The following ITPKB variants were observed in gnomAD, a reference collection of about 807,000 sequenced individuals.
ITPKB encodes the protein IP3 3-kinase B.
A neutral mutation model predicts 69.4 loss-of-function variants in ITPKB; 13 were observed. The observed-to-expected ratio is 0.19, with a 90% CI of 0.12 to 0.30. The LOEUF is 0.30. ITPKB is among the 10% of genes least tolerant of loss of function. The probability of loss-of-function intolerance (pLI) is 1.00; values close to 1 mark genes in which losing one functional copy is unlikely to be tolerated. For missense variants in ITPKB, 1,240 were observed against 1,250.5 expected (o/e 0.99, Z 0.13); for synonymous variants, 584 against 513.7 (o/e 1.14, Z -1.85).
chr1:226,668,191 T>A (rs1232659613), intron 2 of ITPKB, among the ~76,000 whole-genome samples: 1 of 152,224 alleles, frequency 6.6e-6, no homozygotes, highest in Non-Finnish European at 1.5e-5. Context: ...TATTCTTGAC[T>A]TTTAATAATA....
intron 2 of ITPKB, chr1:226,657,250 C>T (rs532262108): frequency 4.6e-5 from 7 of 152,338 alleles, no homozygotes; most frequent in Admixed American, 2.0e-4. Flanking sequence ...CATCTTATTT[C>T]ATGTATGTGG....
intron 2 of ITPKB, among the ~76,000 whole-genome samples, chr1:226,727,333 C>T (rs757011936): frequency 6.6e-5 from 10 of 152,118 alleles, no homozygotes; most frequent in African/African-American, 1.2e-4. Context: ...GAGTTGAGCC[C>T]GGAAAGAATG....
intron 2 of ITPKB, among the ~76,000 whole-genome samples, chr1:226,731,552 TCA>T (rs1657589681): frequency 6.6e-6 from 1 of 152,172 alleles, no homozygotes; most frequent in South Asian, 2.1e-4. Flanking sequence ...AATTACATAG[TCA>T]CAGACAGAAC....
intron 6 of ITPKB, 51 bp downstream of exon 6, chr1:226,639,506 T>C (rs768738039): frequency 8.2e-7 from 1 of 1,215,408 alleles, no homozygotes; most frequent in South Asian, 1.2e-5. Context: ...TAGACACAGT[T>C]GTCCCTCCCT....
chr1:226,672,503 C>T (rs528361495), intron 2 of ITPKB, among the ~76,000 whole-genome samples: 1 of 152,344 alleles, frequency 6.6e-6, no homozygotes, highest in South Asian at 2.1e-4. Flanking sequence ...AAACAGAGCA[C>T]TCCCCAAGGC....
At position 226,738,901 on chromosome 1, in the gene ITPKB, C is replaced by G. The variant is rs931193275; in HGVS notation, c.-206+140G>C. The G allele has an allele frequency of 1.3e-5, 2 of 152,298 alleles. No individual in the cohort carries two copies. The highest frequency in any genetic ancestry group is 4.8e-5 in the African/African-American group (2 of 41,450). The allele number at this position is 152,298 out of a possible 1,614,324, so 9.4% of individuals were successfully genotyped here. On this transcript the variant is annotated intron_variant, in intron 1 of 7. Transcript: ENST00000429204. The surrounding 1 kb of genome is among the most constrained non-coding windows in gnomAD (Gnocchi z 4.2). Reference sequence around the variant, plus strand: ...GCCACTCCATGTCACCCTCCAAAATCAAACCCCCTTCCCTGCCTCCCCAGC... The same window carrying G: ...GCCACTCCATGTCACCCTCCAAAATGAAACCCCCTTCCCTGCCTCCCCAGC...
chr1:226,651,259 G>C (rs560775082), intron 2 of ITPKB, among the ~76,000 whole-genome samples: 3 of 152,368 alleles, frequency 2.0e-5, no homozygotes, highest in African/African-American at 7.2e-5. Context: ...GGAGATAGGT[G>C]AGCAGGCGAG....
At chr1:226,707,981 A>T in intron 2 of ITPKB, 1 of 1,042,564 alleles carries the variant, frequency 9.6e-7, no homozygotes, top group Non-Finnish European at 1.3e-6. Context: ...CAATAACTGC[A>T]ACAAAATATG....
intron 2 of ITPKB, among the ~76,000 whole-genome samples, chr1:226,728,974 G>A (rs1657503945): frequency 6.6e-6 from 1 of 152,172 alleles, no homozygotes; most frequent in South Asian, 2.1e-4. Flanking sequence ...GGTAGATAAT[G>A]CAGCAGGGAT....
chr1:226,728,186 T>C (rs1354736338), intron 2 of ITPKB, among the ~76,000 whole-genome samples: 3 of 152,208 alleles, frequency 2.0e-5, no homozygotes, highest in Admixed American at 1.3e-4. Context: ...TTTTGCTTAC[T>C]TATAAAACTT....
At position 226,739,207 on chromosome 1, in the gene ITPKB, C is replaced by CAG. The variant is rs1657916765; in HGVS notation, c.-374_-373dup. The CAG allele has an allele frequency of 6.6e-6, 1 of 152,102 alleles. No individual in the cohort carries two copies. The highest frequency in any genetic ancestry group is 2.1e-4 in the South Asian group (1 of 4,830). 9.4% of individuals were successfully genotyped at this position (152,102 alleles called of 1,614,324 possible). A position where few individuals can be genotyped will look rare whatever the true frequency, so the allele number is the denominator to read the frequency against. ...AAAGAGGGGGGAAAGCTCTTCGGTT[C>CAG]AGGGGCCCGGCGATCCCGGCAGTGG... On this transcript the variant is annotated 5_prime_UTR_variant, in exon 1 of 8. Transcript: ENST00000429204.
At position 226,642,338 on chromosome 1, in the gene ITPKB, A is replaced by G. The variant is rs1368425846; in HGVS notation, c.2247-213T>C. The stretch of plus-strand genomic sequence containing the variant: ...AATTTTTCTTTTCTTTTTTTTTTAG[A>G]CAATTTTTTTAGTAGATAAGGGAGT... On this transcript the variant is annotated intron_variant, in intron 4 of 7. Transcript: ENST00000429204. The surrounding 1 kb of genome is among the most constrained non-coding windows in gnomAD (Gnocchi z 6.4). 3.3e-5 allele frequency among the ~76,000 whole-genome samples: 5 copies of G among 151,090 alleles called. No homozygotes were observed. The highest frequency in any genetic ancestry group is 3.3e-4 in the Admixed American group (5 of 15,178).
intron 2 of ITPKB, among the ~76,000 whole-genome samples, chr1:226,726,146 T>G (rs1160894425): frequency 6.6e-6 from 1 of 152,182 alleles, no homozygotes; most frequent in Non-Finnish European, 1.5e-5. Context: ...AATATACCCA[T>G]TTTACAGATT....
At position 226,634,588 on chromosome 1, in the gene ITPKB, G is replaced by T; in HGVS notation, c.*83C>A. ...GTTCAGGAGGGTCAGTCAGGTGTAAGTGAAGGAAAAGTTAGGAACGAGAAA... is the reference window on the plus strand; with the variant it reads ...GTTCAGGAGGGTCAGTCAGGTGTAATTGAAGGAAAAGTTAGGAACGAGAAA... On this transcript the variant is annotated 3_prime_UTR_variant, in exon 8 of 8. Coordinates refer to ENST00000429204, the MANE Select transcript of ITPKB (RefSeq NM_002221.4). This position sits in a 1 kb window ranked among gnomAD's most constrained non-coding sequence, Gnocchi z 6.3. The T allele has an allele frequency of 1.5e-6, 1 of 682,418 alleles. No individual in the cohort carries two copies. 42.3% of individuals were successfully genotyped at this position (682,418 alleles called of 1,614,324 possible).
intron 2 of ITPKB, among the ~76,000 whole-genome samples, chr1:226,718,173 AG>A (rs746848155): frequency 3.3e-5 from 5 of 152,048 alleles, no homozygotes; most frequent in Admixed American, 2.0e-4. Context: ...GGGCACCTGT[AG>A]TCCCAGCTAC....
chr1:226,641,819 T>G lies in ITPKB; in HGVS notation c.2451+102A>C. 1 of 1,091,452 alleles carries G rather than the reference T, an allele frequency of 9.2e-7. No individual in the cohort carries two copies. The highest frequency in any genetic ancestry group is 2.1e-5 in the Admixed American group (1 of 47,328). The allele number at this position is 1,091,452 out of a possible 1,614,324, so 67.6% of individuals were successfully genotyped here. A position where few individuals can be genotyped will look rare whatever the true frequency, so the allele number is the denominator to read the frequency against. ...GCGGGCCACCCACATTCTGAGCCTG[T>G]GCCTGGAGAAGCTTACAGCTTCCAA... On this transcript the variant is annotated intron_variant, in intron 5 of 7. Coordinates refer to ENST00000429204, the MANE Select transcript of ITPKB (RefSeq NM_002221.4). This position sits in a 1 kb window ranked among gnomAD's most constrained non-coding sequence, Gnocchi z 4.6.
rs770864555 is a variant in ITPKB, at chr1:226,736,903, G to A, written c.556C>T (p.Pro186Ser). 2.5e-6 allele frequency: 4 copies of A among 1,610,226 alleles called. No individual in the cohort carries two copies. Among genetic ancestry groups the A allele is most frequent in the South Asian group, 1.1e-5 (1 of 91,090 alleles). The change falls in exon 2 of 8, where the codon CCC (proline) becomes TCC (serine). Residue 186 changes from proline (P) to serine (S), a missense_variant. Transcript: ENST00000429204. ...CCCTGAACCAGGACCCTTCCAGGGG[G>A]CTGACTGCTGCTGCGGAAGGGGCAC... ...SPCPFRSSSQ[P>S]PGRVLVQGAR...
At chr1:226,640,239 G>A (rs1571834488) in intron 5 of ITPKB, among the ~76,000 whole-genome samples, 5 of 152,294 alleles carry the variant, frequency 3.3e-5, no homozygotes, top group Non-Finnish European at 1.5e-5. Flanking sequence ...CATCTTCTTG[G>A]CCCCAGCACT....
rs143266236 is a variant in ITPKB at position 226,679,435 on chromosome 1, TTG to T, written c.1933-30666_1933-30665del. On this transcript the variant is annotated intron_variant, in intron 2 of 7. Coordinates refer to ENST00000429204, the MANE Select transcript of ITPKB (RefSeq NM_002221.4). ...AGCTAATTTGGAAACCCCAAGAAAG[TTG>T]TGTCACTTCTGTCTCAGTCCAGAAA... Among the ~76,000 whole-genome samples, 1,322 of 152,322 alleles carry T rather than the reference TTG, an allele frequency of 8.7e-3. 56 individuals are homozygous for T. The highest frequency in any genetic ancestry group is 0.059 in the Admixed American group (904 of 15,296).
Sources: allele counts gnomAD v4.1 joint callset (sites outside exome capture counted in the v4.1 genomes callset), GRCh38; gene constraint gnomAD v4.1.1; non-coding constraint Gnocchi (gnomAD v3.1); transcripts MANE v1.5; gene names NCBI Gene and HGNC (gene_info 2026-07-23, HGNC 2026-07-21).